FRMD4B: variants seen among roughly 807,000 people sequenced by gnomAD.
FRMD4B encodes the protein FERM domain-containing protein 4B.
In FRMD4B, 74 loss-of-function variants were observed where a neutral mutation model predicts 141.5. That is an observed-to-expected ratio of 0.52 (90% CI 0.43 to 0.63). The LOEUF (loss-of-function observed/expected upper bound fraction) is 0.63. Ranked by LOEUF, FRMD4B falls within the 30% of genes least tolerant of loss-of-function variation. The pLI is 0.00. For synonymous variants in FRMD4B, 506 were observed against 467.9 expected (o/e 1.08, Z -1.05); for missense variants, 1,366 against 1,253.4 (o/e 1.09, Z -1.36).
At chr3:69,513,861 TA>T (rs951844954) in intron 1 of FRMD4B, among the ~76,000 whole-genome samples, 3 of 152,126 alleles carry the variant, frequency 2.0e-5, no homozygotes, top group African/African-American at 7.2e-5. Flanking sequence ...AACACCCTTT[TA>T]TGATAAAAAT....
At chr3:69,490,540 C>T (rs1575589081) in intron 1 of FRMD4B, among the ~76,000 whole-genome samples, 1 of 152,222 alleles carries the variant, frequency 6.6e-6, no homozygotes, top group East Asian at 1.9e-4. Flanking sequence ...GGACTGCCTC[C>T]TTCTCACCAC....
At chr3:69,477,321 G>T (rs1706018989) in intron 1 of FRMD4B, among the ~76,000 whole-genome samples, 1 of 146,068 alleles carries the variant, frequency 6.8e-6, no homozygotes, top group African/African-American at 2.7e-5. Flanking sequence ...TGCCCATTCA[G>T]TATGATATTG....
intron 7 of FRMD4B, among the ~76,000 whole-genome samples, chr3:69,230,662 C>A (rs1324019061): frequency 6.6e-6 from 1 of 151,784 alleles, no homozygotes; most frequent in Non-Finnish European, 1.5e-5. Flanking sequence ...GCAGAAGAAT[C>A]GCTTGAACCT....
intron 7 of FRMD4B, among the ~76,000 whole-genome samples, chr3:69,245,664 CTTTTTT>C (rs71115668): frequency 9.8e-6 from 1 of 102,474 alleles, no homozygotes. Context: ...ATTTTCTTTT[CTTTTTT>C]TTTTTTTTTT....
intron 3 of FRMD4B, among the ~76,000 whole-genome samples, chr3:69,302,899 C>A (rs1701263172): frequency 6.6e-6 from 1 of 151,984 alleles, no homozygotes; most frequent in Non-Finnish European, 1.5e-5. Flanking sequence ...ATGGTAAAAC[C>A]CTGTCTCTAC....
intron 1 of FRMD4B, among the ~76,000 whole-genome samples, chr3:69,483,852 A>G (rs954129045): frequency 4.6e-5 from 7 of 152,222 alleles, no homozygotes; most frequent in Admixed American, 3.3e-4. Flanking sequence ...AGAAAATGTC[A>G]CTTAAAAATA....
chr3:69,536,400 C>T (rs977673490), intron 1 of FRMD4B: 5 of 716,474 alleles, frequency 7.0e-6, no homozygotes, highest in Middle Eastern at 2.4e-4. Context: ...CAGTGGCCAG[C>T]GCCTGCTTCA....
At chr3:69,528,256 CCCTT>C (rs1171629705) in intron 1 of FRMD4B, among the ~76,000 whole-genome samples, 96 of 150,700 alleles carry the variant, frequency 6.4e-4, no homozygotes, top group African/African-American at 2.2e-3. Flanking sequence ...CTCCCTCCCT[CCCTT>C]CCTTCCTTCC....
chr3:69,275,667 G>A (rs1408199407), intron 5 of FRMD4B, among the ~76,000 whole-genome samples: 1 of 151,988 alleles, frequency 6.6e-6, no homozygotes, highest in Admixed American at 6.6e-5. Flanking sequence ...CTAGGCTCAA[G>A]TGATCCACCT....
intron 1 of FRMD4B, among the ~76,000 whole-genome samples, chr3:69,523,965 A>G: frequency 6.6e-6 from 1 of 152,210 alleles, no homozygotes; most frequent in East Asian, 1.9e-4. Context: ...CATCAGACAT[A>G]TCCTTTGCCC....
chr3:69,333,173 C>T (rs11707811), intron 1 of FRMD4B, among the ~76,000 whole-genome samples: 95,626 of 151,832 alleles, frequency 0.63, 30,857 homozygotes, highest in African/African-American at 0.77. Flanking sequence ...TATTAGACTG[C>T]AGTCAATGAA....
chr3:69,513,188 A>G (rs1169796484), intron 1 of FRMD4B, among the ~76,000 whole-genome samples: 2 of 152,084 alleles, frequency 1.3e-5, no homozygotes, highest in Admixed American at 6.5e-5. Context: ...AAAAGAGAAC[A>G]CTCAAAAAAC....
At chr3:69,189,249 G>C (rs1332611456) in intron 18 of FRMD4B, among the ~76,000 whole-genome samples, 1 of 141,590 alleles carries the variant, frequency 7.1e-6, no homozygotes, top group Non-Finnish European at 1.5e-5. Flanking sequence ...AAAAAAAAGA[G>C]AGAGAGAGAC....
intron 11 of FRMD4B, among the ~76,000 whole-genome samples, chr3:69,199,565 G>T (rs957687326): frequency 1.3e-5 from 2 of 152,210 alleles, no homozygotes; most frequent in African/African-American, 4.8e-5. Flanking sequence ...TCCTACCTAT[G>T]AAGAGTTCCC....
chr3:69,260,361 C>T (rs1044480997), intron 5 of FRMD4B, among the ~76,000 whole-genome samples: 1 of 152,232 alleles, frequency 6.6e-6, no homozygotes, highest in East Asian at 1.9e-4. Flanking sequence ...GCAGCCTCTG[C>T]ACCCGGAGCG....
At chr3:69,202,414 G>T (rs2092977688) in intron 11 of FRMD4B, among the ~76,000 whole-genome samples, 1 of 148,188 alleles carries the variant, frequency 6.7e-6, no homozygotes, top group East Asian at 2.0e-4. Flanking sequence ...ACATACACTT[G>T]TAATTTTCAT....
chr3:69,257,226 G>A (rs1238075666), intron 5 of FRMD4B, among the ~76,000 whole-genome samples: 1 of 152,124 alleles, frequency 6.6e-6, no homozygotes, highest in Non-Finnish European at 1.5e-5. Flanking sequence ...TGCCTTTTTG[G>A]AACTGTATTC....
chr3:69,336,009 C>A (rs1553725805), intron 1 of FRMD4B, among the ~76,000 whole-genome samples: 1 of 152,096 alleles, frequency 6.6e-6, no homozygotes. Context: ...AGGTGTGAAC[C>A]ACCACACCTG....
rs146240101 is a variant in FRMD4B, at chr3:69,417,870, T to G, written c.-1+14764A>C. On this transcript the variant is annotated intron_variant, in intron 2 of 5. Coordinates refer to the FRMD4B transcript ENST00000459638. ...TAGGGGTGAATCATTCCTTTCATCTTCCAGCTCTTAGTGGCTGCCAGTATT... is the reference window on the plus strand; with the variant it reads ...TAGGGGTGAATCATTCCTTTCATCTGCCAGCTCTTAGTGGCTGCCAGTATT... Among the ~76,000 whole-genome samples the G allele has an allele frequency of 6.4e-4, 98 of 152,290 alleles. 1 individual carries two copies. Among genetic ancestry groups the G allele is most frequent in the African/African-American group, 2.2e-3 (91 of 41,554 alleles).
Sources: gnomAD v4.1 joint callset for allele counts (sites outside exome capture counted in the v4.1 genomes callset) on GRCh38, gnomAD v4.1.1 for gene constraint, MANE v1.5 for transcripts, NCBI Gene and HGNC (gene_info 2026-07-23, HGNC 2026-07-21) for gene names.